PLBD1: variants seen among roughly 807,000 people sequenced by gnomAD.
PLBD1 encodes lysosomal leucine aminopeptidase.
A neutral mutation model predicts 63.0 loss-of-function variants in PLBD1; 60 were observed. The ratio of observed to expected loss-of-function variants is 0.95; its 90% confidence interval spans 0.77 to 1.18. The LOEUF is 1.18. Among genes scored for constraint, PLBD1 ranks in the 50% most tolerant of loss-of-function variants. The pLI, the probability that PLBD1 is intolerant of heterozygous loss-of-function variation, is 0.00. For synonymous variants in PLBD1, 262 were observed against 248.0 expected (o/e 1.06, Z -0.53); for missense variants, 598 against 677.9 (o/e 0.88, Z 1.31).
intron 6 of PLBD1, among the ~76,000 whole-genome samples, chr12:14,517,441 C>T (rs962871038): frequency 4.6e-5 from 7 of 152,142 alleles, no homozygotes; most frequent in Non-Finnish European, 1.0e-4. Context: ...AGCCACCACA[C>T]CCAGCCGGCT....
At chr12:14,537,025 G>GT (rs1260452399) in intron 4 of PLBD1, among the ~76,000 whole-genome samples, 2 of 149,382 alleles carry the variant, frequency 1.3e-5, no homozygotes, top group Non-Finnish European at 3.0e-5. Context: ...GGAGGCGGAG[G>GT]TTGCAGTGAG....
intron 1 of PLBD1, among the ~76,000 whole-genome samples, chr12:14,561,530 T>C (rs536630598): frequency 3.3e-5 from 5 of 152,160 alleles, no homozygotes; most frequent in Non-Finnish European, 7.3e-5. Flanking sequence ...CAATGCTTTA[T>C]GGATTACGTG....
chr12:14,520,716 C>T (rs910520281), intron 6 of PLBD1, among the ~76,000 whole-genome samples: 6 of 152,194 alleles, frequency 3.9e-5, no homozygotes, highest in Non-Finnish European at 7.3e-5. Context: ...TTTGCCACTT[C>T]GTCTTCCCAG....
In PLBD1 at chr12:14,546,972, C is replaced by T. The variant is rs539653478; in HGVS notation, c.336-4681G>A. 8.6e-5 allele frequency among the ~76,000 whole-genome samples: 13 copies of T among 152,026 alleles called. No individual in the cohort carries two copies. In the South Asian group the frequency reaches 1.7e-3, roughly 19 times the overall value. The stretch of plus-strand genomic sequence containing the variant: ...CTCAGCTCACTGCAACTTTTGCCAC[C>T]GAGGTTCAAGCAATTCTACCGCCTT... On this transcript the variant is annotated intron_variant, in intron 2 of 10. Transcript: ENST00000240617.
chr12:14,520,957 T>G (rs1300388527), intron 6 of PLBD1, among the ~76,000 whole-genome samples: 2 of 152,234 alleles, frequency 1.3e-5, no homozygotes, highest in Admixed American at 1.3e-4. Flanking sequence ...TGATCTAAGC[T>G]GCTGATGTAC....
At chr12:14,524,107 C>T (rs1032295931) in intron 6 of PLBD1, among the ~76,000 whole-genome samples, 19 of 152,088 alleles carry the variant, frequency 1.2e-4, no homozygotes, top group Non-Finnish European at 2.2e-4. Context: ...CTATAAAAGC[C>T]GATCTCATAC....
At chr12:14,518,365 A>C (rs915473324) in intron 6 of PLBD1, among the ~76,000 whole-genome samples, 1 of 152,190 alleles carries the variant, frequency 6.6e-6, no homozygotes, top group Non-Finnish European at 1.5e-5. Context: ...AATTCCCATA[A>C]AACTAGTCAG....
At chr12:14,562,110 G>A (rs1338670544) in intron 1 of PLBD1, among the ~76,000 whole-genome samples, 2 of 152,150 alleles carry the variant, frequency 1.3e-5, no homozygotes, top group Non-Finnish European at 2.9e-5. Context: ...TCGTTGAAGT[G>A]CTCATTCTGT....
At chr12:14,540,129 T>TATATATATAC (rs1418609619) in intron 4 of PLBD1, among the ~76,000 whole-genome samples, 2 of 137,102 alleles carry the variant, frequency 1.5e-5, no homozygotes, top group East Asian at 4.5e-4. Flanking sequence ...TATATATATA[T>TATATATATAC]ATACTGGCAA....
chr12:14,532,956 G>A (rs77905720), intron 6 of PLBD1: 27 of 152,320 alleles, frequency 1.8e-4, no homozygotes, highest in African/African-American at 6.0e-4. Flanking sequence ...GTGGTACTGA[G>A]GTTATCAGCA....
chr12:14,505,626 T>C (rs1032484511), intron 10 of PLBD1, among the ~76,000 whole-genome samples: 2 of 152,338 alleles, frequency 1.3e-5, no homozygotes, highest in South Asian at 2.1e-4. Flanking sequence ...TTATTACTTA[T>C]ATTTTCAGAT....
At position 14,521,416 on chromosome 12, in the gene PLBD1, C is replaced by CTT. The variant is rs1444364630; in HGVS notation, c.845-9706_845-9705insAA. 8.5e-5 allele frequency among the ~76,000 whole-genome samples: 13 copies of CTT among 152,098 alleles called. No homozygotes were observed. The East Asian group carries it at 2.5e-3, about 30-fold the overall frequency. On this transcript the variant is annotated intron_variant, in intron 6 of 10. Transcript: ENST00000240617. ...CCTATTGGAGTAGGCCTTGTGCACC[C>CTT]GTGGCGCATGAAACAAACTGGCACC...
chr12:14,547,178 CTT>C (rs1491353981), intron 2 of PLBD1, among the ~76,000 whole-genome samples: 5 of 95,184 alleles, frequency 5.3e-5, no homozygotes, highest in Admixed American at 3.0e-4. Flanking sequence ...CTGCACCTGG[CTT>C]TGTGTGTGTG....
chr12:14,555,294 T>C (rs1229995905), intron 1 of PLBD1, among the ~76,000 whole-genome samples: 1 of 152,162 alleles, frequency 6.6e-6, no homozygotes, highest in African/African-American at 2.4e-5. Flanking sequence ...TCCCAGCACT[T>C]TGGGAGACCA....
At chr12:14,539,532 TC>T (rs1359326140) in intron 4 of PLBD1, among the ~76,000 whole-genome samples, 2 of 152,106 alleles carry the variant, frequency 1.3e-5, no homozygotes, top group African/African-American at 4.8e-5. Flanking sequence ...ATACCTGTAA[TC>T]CCAGCACTTT....
chr12:14,508,322 T>G (rs1005932593), intron 8 of PLBD1, among the ~76,000 whole-genome samples: 1 of 152,250 alleles, frequency 6.6e-6, no homozygotes, highest in Non-Finnish European at 1.5e-5. Flanking sequence ...TTCATAAGCA[T>G]GAGCATGAAA....
chr12:14,520,618 G>A (rs960879654), intron 6 of PLBD1, among the ~76,000 whole-genome samples: 1 of 152,172 alleles, frequency 6.6e-6, no homozygotes, highest in Admixed American at 6.5e-5. Flanking sequence ...AAAGTGTTCC[G>A]AAGGAGTACA....
At chr12:14,548,117 T>C (rs1470605361) in intron 2 of PLBD1, among the ~76,000 whole-genome samples, 1 of 152,174 alleles carries the variant, frequency 6.6e-6, no homozygotes, top group Non-Finnish European at 1.5e-5. Flanking sequence ...TATTTTATGG[T>C]CAATTTTAAG....
At chr12:14,503,975 G>A in intron 10 of PLBD1, 21 bp from the exon 11 acceptor site, 1 of 1,570,448 alleles carries the variant, frequency 6.4e-7, no homozygotes, top group Non-Finnish European at 8.7e-7. Flanking sequence ...GGAGGAGGAG[G>A]ACATTTTAGA....
Sources: gnomAD v4.1 joint callset for allele counts (sites outside exome capture counted in the v4.1 genomes callset) on GRCh38, gnomAD v4.1.1 for gene constraint, MANE v1.5 for transcripts, NCBI Gene and HGNC (gene_info 2026-07-23, HGNC 2026-07-21) for gene names.